Variants in AFF3 observed in about 807,000 individuals in gnomAD.
AFF3 encodes AF4/FMR2 family member 3.
In AFF3, 32 loss-of-function variants were observed where a neutral mutation model predicts 129.7. That is an observed-to-expected ratio of 0.25 (90% CI 0.19 to 0.33). The LOEUF is 0.33. Ranked by LOEUF, AFF3 falls within the 10% of genes least tolerant of loss-of-function variation. The pLI, the probability that AFF3 is intolerant of heterozygous loss-of-function variation, is 1.00. For missense variants in AFF3, 1,373 were observed against 1,592.0 expected, an observed-to-expected ratio of 0.86 and a Z score of 2.34; for synonymous variants, 644 against 635.4, an observed-to-expected ratio of 1.01 and a Z score of -0.20.
chr2:99,578,189 T>G, intron 18 of AFF3, 138 bp downstream of exon 18: 1 of 1,272,314 alleles, frequency 7.9e-7, no homozygotes, highest in Non-Finnish European at 1.1e-6. Context: ...AGAGGGACAT[T>G]TAAATGACCA....
intron 7 of AFF3, among the ~76,000 whole-genome samples, chr2:99,920,336 A>T (rs1695769995): frequency 6.6e-6 from 1 of 152,044 alleles, no homozygotes; most frequent in Non-Finnish European, 1.5e-5. Flanking sequence ...CATATAAAAA[A>T]AAATATGCCG....
At chr2:100,063,403 T>C (rs1687465841) in intron 4 of AFF3, among the ~76,000 whole-genome samples, 2 of 152,196 alleles carry the variant, frequency 1.3e-5, no homozygotes, top group African/African-American at 4.8e-5. Context: ...TTTTATGCTA[T>C]GTGTATTTTA....
chr2:99,784,463 T>C (rs966095009), intron 8 of AFF3, among the ~76,000 whole-genome samples: 1 of 152,172 alleles, frequency 6.6e-6, no homozygotes, highest in African/African-American at 2.4e-5. Flanking sequence ...TACAAGGCCT[T>C]GGAGTTAGTC....
Position 99,606,210 on chromosome 2 carries a change from A to G in AFF3, c.1185-4589T>C, listed in dbSNP as rs553437453. 5.3e-5 allele frequency among the ~76,000 whole-genome samples: 8 copies of G among 152,278 alleles called. No individual in the cohort carries two copies. The South Asian group carries it at 1.7e-3, about 32-fold the overall frequency. On this transcript the variant is annotated intron_variant, in intron 13 of 24. Transcript: ENST00000672756. ...AGCCTGGGAGGTCAAGGCTGCAGTA[A>G]ACCATGATTGTGCCACTGCACCCCA...
intron 7 of AFF3, among the ~76,000 whole-genome samples, chr2:99,859,842 G>C (rs1690841464): frequency 6.6e-6 from 1 of 152,280 alleles, no homozygotes; most frequent in Admixed American, 6.5e-5. Flanking sequence ...GAAACCGGGA[G>C]CTTAGGCCTG....
chr2:99,670,533 GTC>G (rs1366030994), intron 12 of AFF3, among the ~76,000 whole-genome samples: 222 of 100,586 alleles, frequency 2.2e-3, no homozygotes, highest in African/African-American at 9.6e-3. Context: ...GAGTGTATGT[GTC>G]TGTGTGTGTG....
intron 7 of AFF3, among the ~76,000 whole-genome samples, chr2:99,956,636 C>T (rs982160680): frequency 3.9e-5 from 6 of 152,138 alleles, no homozygotes; most frequent in Non-Finnish European, 7.4e-5. Flanking sequence ...CTTAAATATG[C>T]CAGATTTTGA....
At chr2:100,052,968 G>A (rs1686469869) in intron 4 of AFF3, among the ~76,000 whole-genome samples, 1 of 152,202 alleles carries the variant, frequency 6.6e-6, no homozygotes, top group South Asian at 2.1e-4. Flanking sequence ...CCCAAGAGCA[G>A]GGCTTCTGTT....
At position 99,940,848 on chromosome 2, in the gene AFF3, G is replaced by T. The variant is rs146601066; in HGVS notation, c.873+65784C>A. On this transcript the variant is annotated intron_variant, in intron 7 of 24. Coordinates refer to ENST00000672756, the MANE Select transcript of AFF3 (RefSeq NM_001386135.1). ...GCATCTGGATTGGGACCCCTTTCCT[G>T]TTAACAACAGTGTCGAAAACCAAAA... Among the ~76,000 whole-genome samples the T allele has an allele frequency of 4.6e-5, 7 of 152,254 alleles. No homozygotes were observed. The East Asian group carries it at 1.4e-3, about 29-fold the overall frequency.
intron 4 of AFF3, among the ~76,000 whole-genome samples, chr2:100,033,115 T>C (rs1684640903): frequency 1.3e-5 from 2 of 152,190 alleles, no homozygotes; most frequent in Non-Finnish European, 2.9e-5. Context: ...TCCTTGCATA[T>C]GCCATACCCA....
intron 7 of AFF3, among the ~76,000 whole-genome samples, chr2:99,846,005 T>C (rs1023745071): frequency 6.6e-6 from 1 of 150,590 alleles, no homozygotes; most frequent in Non-Finnish European, 1.5e-5. Context: ...GCTAATTTTT[T>C]GTATTTTTAG....
At chr2:99,763,706 A>G (rs890210741) in intron 8 of AFF3, among the ~76,000 whole-genome samples, 1 of 152,246 alleles carries the variant, frequency 6.6e-6, no homozygotes, top group Non-Finnish European at 1.5e-5. Flanking sequence ...CAAAATTGCA[A>G]CTGATTCAAA....
chr2:99,592,932 T>TCCC (rs1553394536), intron 15 of AFF3, among the ~76,000 whole-genome samples: 2 of 51,522 alleles, frequency 3.9e-5, no homozygotes, highest in African/African-American at 6.8e-5. Flanking sequence ...TGAGACTCCC[T>TCCC]CCCCCCCCCC....
intron 7 of AFF3, among the ~76,000 whole-genome samples, chr2:99,875,632 G>A (rs1170710824): frequency 6.6e-6 from 1 of 152,142 alleles, no homozygotes; most frequent in Non-Finnish European, 1.5e-5. Context: ...TCCTCCACCA[G>A]GGGTACCGGG....
At position 100,136,579 on chromosome 2, in the gene AFF3, T is replaced by C. The variant is rs537400559; in HGVS notation, c.-228+5905A>G. On this transcript the variant is annotated intron_variant, in intron 1 of 24. Transcript: ENST00000672756. ...GACACATGTGGGAGTGTGTGTGCAC[T>C]TTCACACTTTCCCTTCTCCCCCATT... 1.8e-3 allele frequency among the ~76,000 whole-genome samples: 269 copies of C among 152,336 alleles called. 2 individuals are homozygous for C. The highest frequency in any genetic ancestry group is 6.2e-3 in the African/African-American group (256 of 41,578).
At chr2:99,607,285 C>T (rs1444403993) in intron 13 of AFF3, among the ~76,000 whole-genome samples, 2 of 152,152 alleles carry the variant, frequency 1.3e-5, no homozygotes, top group Non-Finnish European at 2.9e-5. Context: ...GTAATCCCAG[C>T]ACTTTGGGAG....
chr2:100,082,711 A>G (rs1036872854), intron 4 of AFF3, among the ~76,000 whole-genome samples: 1 of 152,142 alleles, frequency 6.6e-6, no homozygotes, highest in African/African-American at 2.4e-5. Context: ...TTTGTCATGG[A>G]GTAGTGACCT....
At chr2:99,721,306 G>T (rs967484963) in intron 11 of AFF3, among the ~76,000 whole-genome samples, 2 of 152,056 alleles carry the variant, frequency 1.3e-5, no homozygotes, top group African/African-American at 4.8e-5. Context: ...CAAGGTGGGC[G>T]GATCATGAGA....
At chr2:99,759,437 G>A (rs1682395364) in intron 8 of AFF3, among the ~76,000 whole-genome samples, 1 of 36,494 alleles carries the variant, frequency 2.7e-5, no homozygotes, top group Admixed American at 2.4e-4. Context: ...TCCTCTGAGA[G>A]GGATATTTAC....
Sources: gnomAD v4.1 joint callset for allele counts (sites outside exome capture counted in the v4.1 genomes callset) on GRCh38, gnomAD v4.1.1 for gene constraint, MANE v1.5 for transcripts, NCBI Gene and HGNC (gene_info 2026-07-23, HGNC 2026-07-21) for gene names.